Variants in CEP63 observed in about 807,000 individuals in gnomAD.
CEP63 encodes centrosomal protein of 63 kDa.
Under a neutral mutation model 89.1 loss-of-function variants are expected in CEP63, and 84 were observed. The ratio of observed to expected loss-of-function variants is 0.94; its 90% CI spans 0.79 to 1.13. The LOEUF is 1.13. CEP63 is among the 50% of genes most tolerant of loss of function. The probability of loss-of-function intolerance (pLI) is 0.00; values close to 1 mark genes in which losing one functional copy is unlikely to be tolerated. For synonymous variants in CEP63, 267 were observed against 272.5 expected, an observed-to-expected ratio of 0.98 and a Z score of 0.20; for missense variants, 838 against 813.3, an observed-to-expected ratio of 1.03 and a Z score of -0.37.
chr3:134,615,172 TTC>T, the CEP63 span: 1 of 152,264 alleles, frequency 6.6e-6, no homozygotes, highest in Non-Finnish European at 1.5e-5. Context: ...TTGATAATAA[TTC>T]TCTCTCCAGG....
At chr3:134,778,795 C>T in the CEP63 span, among the ~76,000 whole-genome samples, 5 of 152,098 alleles carry the variant, frequency 3.3e-5, no homozygotes, top group Non-Finnish European at 7.4e-5. Flanking sequence ...CTCCTAACCT[C>T]GTGATTCGCC....
At position 134,564,704 on chromosome 3, in the gene CEP63, T is replaced by C; in HGVS notation, c.*3169T>C. The C allele has an allele frequency of 1.0e-6, 1 of 985,432 alleles. No individual in the cohort carries two copies. Among genetic ancestry groups the C allele is most frequent in the Non-Finnish European group, 1.2e-6 (1 of 829,908 alleles). 61.0% of individuals were successfully genotyped at this position (985,432 alleles called of 1,614,324 possible). On this transcript the variant is annotated 3_prime_UTR_variant, in exon 15 of 15. Transcript: ENST00000675561. ...GCTTTGCAGTTTTAAGTACTGTACC[T>C]ATGTGCATTGCTGTTACATTCAGGA... is the stretch of plus-strand genomic sequence containing the variant.
intron 12 of CEP63, chr3:134,553,365 GA>G (rs1470090781): frequency 6.6e-6 from 1 of 152,068 alleles, no homozygotes; most frequent in Non-Finnish European, 1.5e-5. Flanking sequence ...GAAGTTTCTG[GA>G]TGGTAAAAGG....
At chr3:134,767,992 T>C in the CEP63 span, among the ~76,000 whole-genome samples, 3 of 152,188 alleles carry the variant, frequency 2.0e-5, no homozygotes, top group African/African-American at 7.2e-5. Context: ...GAGAGACAGC[T>C]AGAGCAAAAA....
chr3:134,666,727 C>A, the CEP63 span, among the ~76,000 whole-genome samples: 21 of 152,134 alleles, frequency 1.4e-4, no homozygotes, highest in South Asian at 4.2e-3. Flanking sequence ...GTGGCCGGGC[C>A]AAGGCAAAAA....
the CEP63 span, among the ~76,000 whole-genome samples, chr3:134,742,434 T>A: frequency 2.6e-5 from 4 of 152,032 alleles, no homozygotes; most frequent in African/African-American, 7.2e-5. Context: ...GGGGCCGGGA[T>A]TGTGTGTCTC....
the CEP63 span, among the ~76,000 whole-genome samples, chr3:134,596,282 A>G: frequency 1.3e-5 from 2 of 152,216 alleles, no homozygotes; most frequent in African/African-American, 2.4e-5. Context: ...CTTTACAGGC[A>G]GGGTGGCCAT....
At chr3:134,519,443 T>A (rs1243480049) in intron 3 of CEP63, among the ~76,000 whole-genome samples, 1 of 152,192 alleles carries the variant, frequency 6.6e-6, no homozygotes. Flanking sequence ...TGAATTGAAT[T>A]TGTTATTGAA....
At chr3:134,565,801 TAAGAA>T (rs551932531), downstream of CEP63, among the ~76,000 whole-genome samples, 743 of 152,088 alleles carry the variant, frequency 4.9e-3, 4 homozygotes, top group African/African-American at 0.017. Context: ...ATCATAGACT[TAAGAA>T]AAGCACAGAT....
intron 4 of CEP63, 50 bp from the exon 5 acceptor site, chr3:134,532,728 A>G (rs1465457397): frequency 6.0e-6 from 9 of 1,487,640 alleles, no homozygotes; most frequent in Non-Finnish European, 8.4e-6. Context: ...TCTCACCACT[A>G]CTTCTTACAA....
At chr3:134,725,216 T>C in the CEP63 span, among the ~76,000 whole-genome samples, 1 of 152,220 alleles carries the variant, frequency 6.6e-6, no homozygotes, top group Non-Finnish European at 1.5e-5. Flanking sequence ...CATTGATATT[T>C]GTCATCAAAT....
At chr3:134,623,031 C>T in the CEP63 span, among the ~76,000 whole-genome samples, 11 of 152,236 alleles carry the variant, frequency 7.2e-5, no homozygotes, top group African/African-American at 2.4e-4. Context: ...AGCTCCAACA[C>T]CGCAGACTTT....
At chr3:134,507,024 A>G in intron 2 of CEP63, 85 bp from the exon 3 acceptor site, 1 of 930,608 alleles carries the variant, frequency 1.1e-6, no homozygotes, top group Non-Finnish European at 1.7e-6. Flanking sequence ...AGGTAGATTT[A>G]CATCTGCTAT....
chr3:134,761,921 T>G, the CEP63 span, among the ~76,000 whole-genome samples: 2 of 152,206 alleles, frequency 1.3e-5, no homozygotes, highest in Non-Finnish European at 2.9e-5. Flanking sequence ...AACACTGGAC[T>G]TCATTTACTC....
chr3:134,507,066 G>T lies in CEP63; in HGVS notation c.45-43G>T, dbSNP rs769757771. ...ACATGAAAAAGATGAAAAGCCACTT[G>T]AACATATCTTCTGTTTTTTTAATGA... On this transcript the variant is annotated intron_variant, in intron 2 of 14. Transcript: ENST00000675561. The T allele has an allele frequency of 1.3e-5, 20 of 1,522,318 alleles. No homozygotes were observed. In the East Asian group the frequency reaches 3.9e-4, roughly 29 times the overall value. 94.3% of individuals were successfully genotyped at this position (1,522,318 alleles called of 1,614,324 possible). A position where few individuals can be genotyped will look rare whatever the true frequency, so the allele number is the denominator to read the frequency against.
At chr3:134,731,553 G>GGTCTGAAAT in the CEP63 span, among the ~76,000 whole-genome samples, 6 of 152,154 alleles carry the variant, frequency 3.9e-5, no homozygotes, top group Admixed American at 6.6e-5. Flanking sequence ...AAAATACTTA[G>GGTCTGAAAT]AGTAAGGGAG....
chr3:134,723,597 T>G, the CEP63 span, among the ~76,000 whole-genome samples: 1 of 152,232 alleles, frequency 6.6e-6, no homozygotes, highest in African/African-American at 2.4e-5. Flanking sequence ...ATTTGAAAGC[T>G]GTGCATGTGG....
chr3:134,622,892 T>G, the CEP63 span, among the ~76,000 whole-genome samples: 1 of 152,178 alleles, frequency 6.6e-6, no homozygotes, highest in Non-Finnish European at 1.5e-5. Flanking sequence ...AACATCTCAC[T>G]GCTCACAAGA....
the CEP63 span, among the ~76,000 whole-genome samples, chr3:134,665,700 C>G: frequency 0.63 from 64,860 of 102,650 alleles, 18,919 homozygotes; most frequent in East Asian, 0.81. Context: ...CACACACACA[C>G]ACAGAGAGAG....
Sources: gnomAD v4.1 joint callset for allele counts (sites outside exome capture counted in the v4.1 genomes callset) on GRCh38, gnomAD v4.1.1 for gene constraint, MANE v1.5 for transcripts, NCBI Gene and HGNC (gene_info 2026-07-23, HGNC 2026-07-21) for gene names.